Variants in CCDC85C observed in about 807,000 individuals in gnomAD.
The protein encoded by CCDC85C is coiled-coil domain containing 85C.
In CCDC85C, 18 loss-of-function variants were observed where a neutral mutation model predicts 38.3. That is an observed-to-expected ratio of 0.47 (90% CI 0.33 to 0.70). The LOEUF (loss-of-function observed/expected upper bound fraction) is 0.70. Ranked by LOEUF, CCDC85C falls within the 30% of genes least tolerant of loss-of-function variation. CCDC85C has a pLI of 0.03. For missense variants in CCDC85C, 566 were observed against 621.2 expected, an observed-to-expected ratio of 0.91 and a Z score of 0.94; for synonymous variants, 264 against 293.8, an observed-to-expected ratio of 0.90 and a Z score of 1.04.
At chr14:99,540,154 AG>A (rs10713458) in intron 1 of CCDC85C, among the ~76,000 whole-genome samples, 62,827 of 150,984 alleles carry the variant, frequency 0.42, 13,942 homozygotes, top group Middle Eastern at 0.51. Flanking sequence ...TTAAAAAAAA[AG>A]GGGGGGGAAC....
chr14:99,508,115 G>GT lies in CCDC85C; in HGVS notation c.*7130dup, dbSNP rs1425345488. On this transcript the variant is annotated 3_prime_UTR_variant, in exon 6 of 6. Transcript: ENST00000380243. Reference sequence around the variant, plus strand: ...CTGGGGCTGACAGCACTGTGTGCCCGTAACAGATGTGCCACAGATTACATT... The same window carrying GT: ...CTGGGGCTGACAGCACTGTGTGCCCGTTAACAGATGTGCCACAGATTACATT... 4.6e-5 allele frequency: 7 copies of GT among 152,224 alleles called. No homozygotes were observed. The highest frequency in any genetic ancestry group is 5.9e-5 in the Non-Finnish European group (4 of 68,052). 9.4% of individuals were successfully genotyped at this position (152,224 alleles called of 1,614,324 possible).
At chr14:99,580,027 G>A (rs997438911) in intron 1 of CCDC85C, 26 of 455,670 alleles carry the variant, frequency 5.7e-5, no homozygotes, top group Admixed American at 4.2e-4. Flanking sequence ...ATACCCCGGA[G>A]TGAGTCACAT....
chr14:99,551,457 ATGAG>A (rs1441566564), intron 1 of CCDC85C, among the ~76,000 whole-genome samples: 5 of 146,394 alleles, frequency 3.4e-5, no homozygotes, highest in African/African-American at 1.3e-4. Flanking sequence ...GAGCAGGTGA[ATGAG>A]TGAGCAGGTA....
At chr14:99,567,865 T>G (rs1048890981) in intron 1 of CCDC85C, among the ~76,000 whole-genome samples, 4 of 152,200 alleles carry the variant, frequency 2.6e-5, no homozygotes, top group Non-Finnish European at 5.9e-5. Context: ...CATGCCTGTC[T>G]CCAGCTTTCC....
intron 3 of CCDC85C, among the ~76,000 whole-genome samples, chr14:99,519,978 C>T (rs554800783): frequency 6.1e-4 from 93 of 152,282 alleles, no homozygotes; most frequent in African/African-American, 2.1e-3. Context: ...ACTGTGATGA[C>T]GGCACAAGTC....
intron 1 of CCDC85C, among the ~76,000 whole-genome samples, chr14:99,554,832 G>A (rs1897980249): frequency 6.6e-6 from 1 of 152,210 alleles, no homozygotes; most frequent in Admixed American, 6.5e-5. Flanking sequence ...CCACCTCCTT[G>A]CTGTGTGACT....
chr14:99,603,307 TC>T lies in CCDC85C; in HGVS notation c.652del (p.Asp218ThrfsTer61). 1 of 1,361,142 alleles carries T rather than the reference TC, an allele frequency of 7.3e-7. No homozygotes were observed. The highest frequency in any genetic ancestry group is 1.7e-5 in the South Asian group (1 of 57,316). The allele number at this position is 1,361,142 out of a possible 1,614,324, so 84.3% of individuals were successfully genotyped here. ...TSSAGSGGSP[D>X]HHHHVPPPLL... ...CGGGGGTGGGACGTGGTGGTGGTGG[TC>T]GGGGCTGCCGCCGCTGCCCGCGCTG... On this transcript the variant is annotated frameshift_variant, in exon 1 of 6. Coordinates refer to ENST00000380243, the MANE Select transcript of CCDC85C (RefSeq NM_001144995.2). LOFTEE classifies it high-confidence loss of function. This position sits in a 1 kb window ranked among gnomAD's most constrained non-coding sequence, Gnocchi z 7.5.
At position 99,501,393 on chromosome 14, in the gene CCDC85C, A is replaced by T. The variant is rs761862068; in HGVS notation, c.*13853T>A. 3.7e-6 allele frequency: 6 copies of T among 1,605,300 alleles called. No homozygotes were observed. The East Asian group carries it at 1.3e-4, about 36-fold the overall frequency. On this transcript the variant is annotated 3_prime_UTR_variant, in exon 6 of 6. Transcript: ENST00000380243. ...AAATTCAAAAGTTGGTTCAAATGGC[A>T]TGGACATTTGTAAATGACAGGTATA...
rs1271572362 is a variant in CCDC85C at position 99,511,241 on chromosome 14, G to A, written c.*4005C>T. ...TTCTCTCCCATGACACCCAGAAGGG[G>A]CAGAAGAACCACATTTTTCATTTAT... is the stretch of plus-strand genomic sequence containing the variant. On this transcript the variant is annotated 3_prime_UTR_variant, in exon 6 of 6. Coordinates refer to ENST00000380243, the MANE Select transcript of CCDC85C (RefSeq NM_001144995.2). 1 of 152,816 alleles carries A rather than the reference G, an allele frequency of 6.5e-6. No homozygotes were observed. Among genetic ancestry groups the A allele is most frequent in the Non-Finnish European group, 1.5e-5 (1 of 68,508 alleles). The allele number at this position is 152,816 out of a possible 1,614,324, so 9.5% of individuals were successfully genotyped here.
At chr14:99,560,318 G>A (rs1043079923) in intron 1 of CCDC85C, among the ~76,000 whole-genome samples, 14 of 152,204 alleles carry the variant, frequency 9.2e-5, no homozygotes, top group Non-Finnish European at 1.5e-4. Context: ...GGTCTGGGCC[G>A]GGAGAGCCTA....
intron 1 of CCDC85C, among the ~76,000 whole-genome samples, chr14:99,589,592 A>T (rs1159434453): frequency 6.6e-6 from 1 of 152,182 alleles, no homozygotes; most frequent in Non-Finnish European, 1.5e-5. Context: ...TGCGGTCCCT[A>T]TTCCAGGAAA....
At chr14:99,574,461 A>T (rs894564625) in intron 1 of CCDC85C, among the ~76,000 whole-genome samples, 1 of 150,794 alleles carries the variant, frequency 6.6e-6, no homozygotes, top group African/African-American at 2.4e-5. Flanking sequence ...TGCTCCCCTC[A>T]CCCCATCCCC....
intron 2 of CCDC85C, among the ~76,000 whole-genome samples, chr14:99,527,817 C>G (rs1241068822): frequency 6.6e-6 from 1 of 152,150 alleles, no homozygotes; most frequent in Non-Finnish European, 1.5e-5. Flanking sequence ...GACTTGCAAG[C>G]CTCTTCTCCC....
At position 99,604,101 on chromosome 14, in the gene CCDC85C, T is replaced by A; in HGVS notation, c.-142A>T. On this transcript the variant is annotated 5_prime_UTR_variant, in exon 1 of 6. Coordinates refer to ENST00000380243, the MANE Select transcript of CCDC85C (RefSeq NM_001144995.2). Reference sequence around the variant, plus strand: ...CCGCCCCGCGCCGCCTGGCGCGTCCTCTCGCCGCGCCCGCCGGGGCCGCCC... The same window carrying A: ...CCGCCCCGCGCCGCCTGGCGCGTCCACTCGCCGCGCCCGCCGGGGCCGCCC... 9.2e-6 allele frequency: 6 copies of A among 651,668 alleles called. No homozygotes were observed. Among genetic ancestry groups the A allele is most frequent in the Non-Finnish European group, 1.1e-5 (6 of 532,710 alleles). The allele number at this position is 651,668 out of a possible 1,614,324, so 40.4% of individuals were successfully genotyped here.
At chr14:99,562,570 C>A (rs1017609159) in intron 1 of CCDC85C, among the ~76,000 whole-genome samples, 1 of 152,186 alleles carries the variant, frequency 6.6e-6, no homozygotes. Flanking sequence ...ACACAGGAGG[C>A]GATATCCGAA....
intron 5 of CCDC85C, among the ~76,000 whole-genome samples, 190 bp downstream of exon 5, chr14:99,515,998 G>A (rs929030670): frequency 6.6e-6 from 1 of 152,124 alleles, no homozygotes; most frequent in African/African-American, 2.4e-5. Flanking sequence ...GAAGGGCAGG[G>A]GGCAGCGAGA....
intron 1 of CCDC85C, among the ~76,000 whole-genome samples, chr14:99,598,354 T>C (rs570611558): frequency 2.0e-5 from 3 of 152,340 alleles, no homozygotes; most frequent in Admixed American, 2.0e-4. Context: ...GAGCAACCAC[T>C]GATTTCCTTC....
intron 1 of CCDC85C, among the ~76,000 whole-genome samples, chr14:99,586,804 C>T (rs1453124326): frequency 2.0e-5 from 3 of 152,130 alleles, no homozygotes; most frequent in Non-Finnish European, 4.4e-5. Context: ...CCGCCCCTTC[C>T]ACCCTATGCC....
intron 1 of CCDC85C, among the ~76,000 whole-genome samples, chr14:99,570,258 A>T (rs1898309612): frequency 6.6e-6 from 1 of 152,220 alleles, no homozygotes; most frequent in African/African-American, 2.4e-5. Flanking sequence ...GAAGTTCACA[A>T]AGCCCAGGGC....
Sources: allele counts gnomAD v4.1 joint callset (sites outside exome capture counted in the v4.1 genomes callset), GRCh38; gene constraint gnomAD v4.1.1; non-coding constraint Gnocchi (gnomAD v3.1); transcripts MANE v1.5; gene names NCBI Gene and HGNC (gene_info 2026-07-23, HGNC 2026-07-21).